TRPV5: variants seen among roughly 807,000 people sequenced by gnomAD.
TRPV5 encodes the protein transient receptor potential cation channel subfamily V member 5.
Under a neutral mutation model 74.1 loss-of-function variants are expected in TRPV5, and 66 were observed. The ratio of observed to expected loss-of-function variants is 0.89; its 90% confidence interval spans 0.73 to 1.09. The LOEUF is 1.09. TRPV5 is among the 50% of genes least tolerant of loss of function. The probability of loss-of-function intolerance (pLI) is 0.00; values close to 1 mark genes in which losing one functional copy is unlikely to be tolerated. For synonymous variants in TRPV5, 399 were observed against 360.7 expected (o/e 1.11, Z -1.20); for missense variants, 936 against 930.4 (o/e 1.01, Z -0.08).
Position 142,914,792 on chromosome 7 carries a change from C to T in TRPV5, c.1453-86G>A. ...TAACGCTAACAGATCAAGAGGCCCC[C>T]ATAGTTCTACCAGCTCCATTCTACC... On this transcript the variant is annotated intron_variant, in intron 11 of 14. Transcript: ENST00000265310. 9 of 1,608,276 alleles carry T rather than the reference C, an allele frequency of 5.6e-6. No individual in the cohort carries two copies. In the South Asian group the frequency reaches 9.9e-5, roughly 18 times the overall value.
chr7:142,932,655 T>C (rs1390505589), intron 1 of TRPV5, among the ~76,000 whole-genome samples: 3 of 152,192 alleles, frequency 2.0e-5, no homozygotes, highest in Non-Finnish European at 4.4e-5. Flanking sequence ...CCAGCTGCTC[T>C]TCCTGGGACT....
At chr7:142,912,277 C>T (rs553419896) in intron 13 of TRPV5, among the ~76,000 whole-genome samples, 1 of 152,226 alleles carries the variant, frequency 6.6e-6, no homozygotes, top group Non-Finnish European at 1.5e-5. Flanking sequence ...ACAACCCCAC[C>T]TCTTGCCACT....
chr7:142,908,426 G>A lies in TRPV5; in HGVS notation c.*88C>T. 1.4e-6 allele frequency: 2 copies of A among 1,439,180 alleles called. No homozygotes were observed. The highest frequency in any genetic ancestry group is 1.9e-6 in the Non-Finnish European group (2 of 1,041,618). The allele number at this position is 1,439,180 out of a possible 1,614,324, so 89.2% of individuals were successfully genotyped here. On this transcript the variant is annotated 3_prime_UTR_variant, in exon 15 of 15. Coordinates refer to ENST00000265310, the MANE Select transcript of TRPV5 (RefSeq NM_019841.7). ...CCTCCCATGATTAACAGGCACAGAAGTTAGACACTTGCATAGGCAGAGGTC... is the reference window on the plus strand; with the variant it reads ...CCTCCCATGATTAACAGGCACAGAAATTAGACACTTGCATAGGCAGAGGTC...
rs1308790718 is a variant in TRPV5 at position 142,925,404 on chromosome 7, G to A, written c.1122+125C>T. On this transcript the variant is annotated intron_variant, in intron 8 of 14. Coordinates refer to ENST00000265310, the MANE Select transcript of TRPV5 (RefSeq NM_019841.7). ...TGGTCTCATGTCTAATTTCTACCTGGGTGTTTAGGAGCCTACACCTGCTGG... is the reference window on the plus strand; with the variant it reads ...TGGTCTCATGTCTAATTTCTACCTGAGTGTTTAGGAGCCTACACCTGCTGG... 4.5e-6 allele frequency: 4 copies of A among 893,874 alleles called. No homozygotes were observed. The Admixed American group carries it at 6.4e-5, about 14-fold the overall frequency. The allele number at this position is 893,874 out of a possible 1,614,324, so 55.4% of individuals were successfully genotyped here.
intron 8 of TRPV5, 42 bp from the exon 9 acceptor site, chr7:142,915,610 A>G: frequency 4.4e-6 from 7 of 1,596,424 alleles, no homozygotes; most frequent in Non-Finnish European, 6.0e-6. Flanking sequence ...TGATGGGCAG[A>G]GTCAAATCCT....
chr7:142,918,943 T>A (rs1795840799), intron 8 of TRPV5, among the ~76,000 whole-genome samples: 1 of 152,228 alleles, frequency 6.6e-6, no homozygotes, highest in South Asian at 2.1e-4. Flanking sequence ...CTATGGCCCC[T>A]GCCTTGTGTC....
At chr7:142,911,904 T>C (rs571041910) in intron 13 of TRPV5, among the ~76,000 whole-genome samples, 1 of 152,322 alleles carries the variant, frequency 6.6e-6, no homozygotes, top group Non-Finnish European at 1.5e-5. Context: ...CAATGCGACA[T>C]AAATGTCTAA....
rs956159584 is a variant in TRPV5 at position 142,920,873 on chromosome 7, T to C, written c.1122+4656A>G. On this transcript the variant is annotated intron_variant, in intron 8 of 14. Coordinates refer to ENST00000265310, the MANE Select transcript of TRPV5 (RefSeq NM_019841.7). Reference sequence around the variant, plus strand: ...TCTCAGGTCCCACCCAGCCTTACTGTCAGAATCCACAGTTTAATAAGGCCT... The same window carrying C: ...TCTCAGGTCCCACCCAGCCTTACTGCCAGAATCCACAGTTTAATAAGGCCT... Among the ~76,000 whole-genome samples the C allele has an allele frequency of 2.6e-5, 4 of 152,310 alleles. No homozygotes were observed. The East Asian group carries it at 7.7e-4, about 29-fold the overall frequency.
At chr7:142,916,399 A>G (rs1272474271) in intron 8 of TRPV5, among the ~76,000 whole-genome samples, 1 of 152,254 alleles carries the variant, frequency 6.6e-6, no homozygotes, top group African/African-American at 2.4e-5. Flanking sequence ...ATGTAGTGCT[A>G]GAATCCTACA....
intron 8 of TRPV5, among the ~76,000 whole-genome samples, chr7:142,924,342 A>G (rs1554529800): frequency 1.6e-4 from 1 of 6,158 alleles, no homozygotes; most frequent in East Asian, 9.8e-3. Context: ...ATATACATAT[A>G]TATATATATA....
intron 8 of TRPV5, among the ~76,000 whole-genome samples, chr7:142,921,945 G>A (rs981687164): frequency 6.6e-6 from 1 of 152,090 alleles, no homozygotes; most frequent in African/African-American, 2.4e-5. Flanking sequence ...TTTTCACGTT[G>A]AATTCATACC....
In TRPV5 at chr7:142,927,972, C is replaced by T. The variant is rs556330719; in HGVS notation, c.909+116G>A. ...ATGTCCCAGGAGACTATTCTCATCT[C>T]CACCTATTATAAGGCTGGGAAGTGT... On this transcript the variant is annotated intron_variant, in intron 7 of 14. Coordinates refer to ENST00000265310, the MANE Select transcript of TRPV5 (RefSeq NM_019841.7). 3.1e-6 allele frequency: 4 copies of T among 1,300,110 alleles called. No homozygotes were observed. In the South Asian group the frequency reaches 4.1e-5, roughly 13 times the overall value. The allele number at this position is 1,300,110 out of a possible 1,614,324, so 80.5% of individuals were successfully genotyped here.
chr7:142,908,447 A>G lies in TRPV5; in HGVS notation c.*67T>C. Reference sequence around the variant, plus strand: ...AGAAGTTAGACACTTGCATAGGCAGAGGTCTCCGTCTCTGTCCCCGCCCCC... The same window carrying G: ...AGAAGTTAGACACTTGCATAGGCAGGGGTCTCCGTCTCTGTCCCCGCCCCC... On this transcript the variant is annotated 3_prime_UTR_variant, in exon 15 of 15. Transcript: ENST00000265310. The G allele has an allele frequency of 6.5e-7, 1 of 1,549,874 alleles. No homozygotes were observed. Among genetic ancestry groups the G allele is most frequent in the Non-Finnish European group, 8.8e-7 (1 of 1,131,242 alleles).
chr7:142,914,290 A>G (rs1291631243), intron 12 of TRPV5, among the ~76,000 whole-genome samples: 1 of 152,166 alleles, frequency 6.6e-6, no homozygotes, highest in Admixed American at 6.5e-5. Flanking sequence ...GTTTGTCCAC[A>G]TGGTTTTCTG....
chr7:142,930,119 C>G lies in TRPV5; in HGVS notation c.288G>C (p.Leu96Phe), dbSNP rs1796061146. 2 of 1,614,202 alleles carry G rather than the reference C, an allele frequency of 1.2e-6. No homozygotes were observed. Among genetic ancestry groups the G allele is most frequent in the Non-Finnish European group, 1.7e-6 (2 of 1,180,044 alleles). ...GCTCTGGGGCAGCCTCCATCAGCAC[C>G]AAGGCCGCCTCCAAGTTGTCATAGA... The part of the protein sequence containing the change: ...AALYDNLEAA[L>F]VLMEAAPELV... The change falls in exon 3 of 15, where the codon TTG becomes TTC. Residue 96 changes from leucine to phenylalanine, a missense_variant. By Grantham distance (22) the Leu-to-Phe change is conservative (BLOSUM62 0). Transcript: ENST00000265310.
chr7:142,922,284 T>C (rs1433050389), intron 8 of TRPV5, among the ~76,000 whole-genome samples: 2 of 152,174 alleles, frequency 1.3e-5, no homozygotes, highest in Non-Finnish European at 2.9e-5. Flanking sequence ...AAAATATTTC[T>C]GGGAAAGAGA....
intron 13 of TRPV5, among the ~76,000 whole-genome samples, chr7:142,910,170 C>T (rs1795680701): frequency 6.6e-6 from 1 of 152,096 alleles, no homozygotes; most frequent in African/African-American, 2.4e-5. Flanking sequence ...TGACACAAAA[C>T]TGGGAGGGAT....
At chr7:142,918,429 A>G (rs1795831743) in intron 8 of TRPV5, among the ~76,000 whole-genome samples, 1 of 152,174 alleles carries the variant, frequency 6.6e-6, no homozygotes, top group South Asian at 2.1e-4. Context: ...CATGCCATCT[A>G]CCATCTAGTT....
Position 142,912,627 on chromosome 7 carries a change from T to A in TRPV5, c.1643A>T (p.Asp548Val), listed in dbSNP as rs757292281. The A allele has an allele frequency of 6.2e-7, 1 of 1,614,204 alleles. No homozygotes were observed. The highest frequency in any genetic ancestry group is 8.5e-7 in the Non-Finnish European group (1 of 1,180,040). ...LTVIDAPANY[D>V]VDLPFMFSIV... ...GCTGAACATGAAGGGCAAGTCCACG[T>A]CGTAGTTGGCAGGTGCATCAATAAC... The change falls in exon 13 of 15, where the codon GAC becomes GTC. Residue 548 changes from aspartate (D) to valine (V), a missense_variant. By Grantham distance (152) the Asp-to-Val change is radical. Coordinates refer to ENST00000265310, the MANE Select transcript of TRPV5 (RefSeq NM_019841.7).
Sources: gnomAD v4.1 joint callset for allele counts (sites outside exome capture counted in the v4.1 genomes callset) on GRCh38, gnomAD v4.1.1 for gene constraint, MANE v1.5 for transcripts, NCBI Gene and HGNC (gene_info 2026-07-23, HGNC 2026-07-21) for gene names.